MYH9: variants seen among roughly 807,000 people sequenced by gnomAD.
MYH9 encodes the protein myosin heavy chain 9, also known as myosin-9.
In MYH9, 29 loss-of-function variants were observed where a neutral mutation model predicts 241.9. That is an observed-to-expected ratio of 0.12 (90% CI 0.09 to 0.16). The LOEUF is 0.16. Among genes scored for constraint, MYH9 ranks in the 10% least tolerant of loss-of-function variants. The probability of loss-of-function intolerance (pLI) is 1.00; values close to 1 mark genes in which losing one functional copy is unlikely to be tolerated. For missense variants in MYH9, 1,803 were observed against 2,595.5 expected (o/e 0.69, Z 6.63); for synonymous variants, 1,047 against 1,062.6 (o/e 0.99, Z 0.29).
At chr22:36,317,794 G>A (rs1457539518) in intron 11 of MYH9, among the ~76,000 whole-genome samples, 2 of 152,254 alleles carry the variant, frequency 1.3e-5, no homozygotes, top group African/African-American at 4.8e-5. Flanking sequence ...CAAGGCAGCA[G>A]GTGGTAGAGA....
Position 36,306,756 on chromosome 22 carries a change from T to C in MYH9, c.1844-149A>G. 1 of 867,402 alleles carries C rather than the reference T, an allele frequency of 1.2e-6. No homozygotes were observed. The highest frequency in any genetic ancestry group is 1.8e-6 in the Non-Finnish European group (1 of 540,624). The allele number at this position is 867,402 out of a possible 1,614,324, so 53.7% of individuals were successfully genotyped here. A position where few individuals can be genotyped will look rare whatever the true frequency, so the allele number is the denominator to read the frequency against. ...GACCCTTTCCAATTGGAGCCTACAC[T>C]GGGTGCTAAGGTCATCCCCAAACAC... On this transcript the variant is annotated intron_variant, in intron 15 of 40. Transcript: ENST00000216181. This position sits in a 1 kb window ranked among gnomAD's most constrained non-coding sequence, Gnocchi z 4.1.
In MYH9 at chr22:36,295,422, G is replaced by A. The variant is rs1018800274; in HGVS notation, c.3485+83C>T. The stretch of plus-strand genomic sequence containing the variant: ...CCACGGTGTGTGTGTGTGTGTGTGT[G>A]CAGAGGCCCGGGGTCCATGTCTCCA... On this transcript the variant is annotated intron_variant, in intron 26 of 40. Coordinates refer to ENST00000216181, the MANE Select transcript of MYH9 (RefSeq NM_002473.6). The surrounding 1 kb of genome is among the most constrained non-coding windows in gnomAD (Gnocchi z 4.1). 4.6e-6 allele frequency: 5 copies of A among 1,092,402 alleles called. No individual in the cohort carries two copies. Among genetic ancestry groups the A allele is most frequent in the Middle Eastern group, 5.7e-4 (2 of 3,530 alleles). The allele number at this position is 1,092,402 out of a possible 1,614,324, so 67.7% of individuals were successfully genotyped here. A position where few individuals can be genotyped will look rare whatever the true frequency, so the allele number is the denominator to read the frequency against.
In MYH9 at chr22:36,295,457, C is replaced by G; in HGVS notation, c.3485+48G>C. The G allele has an allele frequency of 6.5e-7, 1 of 1,537,222 alleles. No homozygotes were observed. ...GGGGTCCATGTCTCCAAGCCAAGGC[C>G]CCCCTGGCTGCCCTCCCCATCCCGA... is the stretch of plus-strand genomic sequence containing the variant. On this transcript the variant is annotated intron_variant, in intron 26 of 40. Transcript: ENST00000216181. The surrounding 1 kb of genome is among the most constrained non-coding windows in gnomAD (Gnocchi z 4.1).
intron 1 of MYH9, among the ~76,000 whole-genome samples, chr22:36,369,635 C>T (rs1167536812): frequency 6.6e-6 from 1 of 152,246 alleles, no homozygotes. Flanking sequence ...CTGTAATTTA[C>T]AGCTGGTGCC....
chr22:36,348,837 A>AC (rs1569536648), intron 2 of MYH9, 67 bp downstream of exon 2: 28 of 539,374 alleles, frequency 5.2e-5, no homozygotes, highest in African/African-American at 3.6e-4. Flanking sequence ...TGATGGGAAG[A>AC]CCCGCCCCCC....
intron 31 of MYH9, among the ~76,000 whole-genome samples, chr22:36,290,676 G>A (rs1197218345): frequency 2.0e-5 from 3 of 150,120 alleles, no homozygotes; most frequent in Non-Finnish European, 3.0e-5. Flanking sequence ...GTCTCTGCCC[G>A]GCCGCCATCC....
Position 36,300,938 on chromosome 22 carries a change from GC to G in MYH9, c.2750del (p.Cys917SerfsTer4). On this transcript the variant is annotated frameshift_variant, in exon 22 of 41. Coordinates refer to ENST00000216181, the MANE Select transcript of MYH9 (RefSeq NM_002473.6). LOFTEE classifies it high-confidence loss of function. This position sits in a 1 kb window ranked among gnomAD's most constrained non-coding sequence, Gnocchi z 5.0. The part of the protein sequence containing the change: ...TAKKQELEEI[C>X]HDLEARVEEE... ...CCTCCACCCTGGCCTCTAGGTCATG[GC>G]AGATCTCTTCTAATTCCTGCTTCTT... 1 of 1,610,306 alleles carries G rather than the reference GC, an allele frequency of 6.2e-7. No homozygotes were observed. The highest frequency in any genetic ancestry group is 8.5e-7 in the Non-Finnish European group (1 of 1,180,020).
At chr22:36,364,199 T>C (rs1346447595) in intron 1 of MYH9, among the ~76,000 whole-genome samples, 1 of 152,096 alleles carries the variant, frequency 6.6e-6, no homozygotes, top group Non-Finnish European at 1.5e-5. Flanking sequence ...ATCCTCTGAG[T>C]GATTATTTAA....
chr22:36,309,881 T>G lies in MYH9; in HGVS notation c.1729-485A>C, dbSNP rs977513580. On this transcript the variant is annotated intron_variant, in intron 14 of 40. Transcript: ENST00000216181. Reference sequence around the variant, plus strand: ...AATATATTCTGTTTTTAAATATATTTTTTTAATTGGGCAGCCTCCTAAACT... The same window carrying G: ...AATATATTCTGTTTTTAAATATATTGTTTTAATTGGGCAGCCTCCTAAACT... Among the ~76,000 whole-genome samples the G allele has an allele frequency of 2.6e-5, 4 of 152,236 alleles. No individual in the cohort carries two copies. The East Asian group carries it at 7.7e-4, about 29-fold the overall frequency.
In MYH9 at chr22:36,282,234, C is replaced by T. The variant is rs1293523960; in HGVS notation, c.*434G>A. ...GCAAAGAAAGGAGGAGGAGTGGGGGCGCTGGTGGCAGACGTCAGGGAGGCT... is the reference window on the plus strand; with the variant it reads ...GCAAAGAAAGGAGGAGGAGTGGGGGTGCTGGTGGCAGACGTCAGGGAGGCT... On this transcript the variant is annotated 3_prime_UTR_variant, in exon 41 of 41. Transcript: ENST00000216181. 12 of 360,692 alleles carry T rather than the reference C, an allele frequency of 3.3e-5. No individual in the cohort carries two copies. The highest frequency in any genetic ancestry group is 5.2e-5 in the Non-Finnish European group (10 of 192,900). The allele number at this position is 360,692 out of a possible 1,614,324, so 22.3% of individuals were successfully genotyped here.
chr22:36,284,039 C>G (rs1485854703), intron 40 of MYH9, 54 bp downstream of exon 40: 1 of 1,590,278 alleles, frequency 6.3e-7, no homozygotes, highest in Non-Finnish European at 8.6e-7. Context: ...GAGGAACAAG[C>G]TACCTTTTGA....
chr22:36,347,373 T>G (rs1372233064), intron 2 of MYH9, among the ~76,000 whole-genome samples: 1 of 151,850 alleles, frequency 6.6e-6, no homozygotes, highest in Non-Finnish European at 1.5e-5. Context: ...AGTCTTACTC[T>G]TGGTGGCTCA....
intron 14 of MYH9, 146 bp downstream of exon 14, chr22:36,311,903 C>A: frequency 3.3e-6 from 3 of 905,278 alleles, no homozygotes; most frequent in Non-Finnish European, 5.3e-6. Context: ...TCACCGGCCA[C>A]ATTACTGGGT....
At position 36,316,681 on chromosome 22, in the gene MYH9, A is replaced by G; in HGVS notation, c.1228-12T>C. On this transcript the variant is annotated splice_polypyrimidine_tract_variant and intron_variant, in intron 11 of 40. Coordinates refer to ENST00000216181, the MANE Select transcript of MYH9 (RefSeq NM_002473.6). ...ATGGCAAAGTCAGCCTGCGGGGCAC[A>G]CCCGGGGAGCGTGGTGTCAGATACA... 1.2e-6 allele frequency: 2 copies of G among 1,613,476 alleles called. No homozygotes were observed. Among genetic ancestry groups the G allele is most frequent in the Non-Finnish European group, 1.7e-6 (2 of 1,180,020 alleles).
At chr22:36,289,003 C>T (rs912842101) in intron 32 of MYH9, 64 bp from the exon 33 acceptor site, 35 of 1,612,472 alleles carry the variant, frequency 2.2e-5, no homozygotes, top group South Asian at 1.9e-4. Flanking sequence ...CTGCGCGACC[C>T]GGAGTCTGTG....
Position 36,293,606 on chromosome 22 carries a change from T to G in MYH9, c.3943-125A>C. On this transcript the variant is annotated intron_variant, in intron 29 of 40. Transcript: ENST00000216181. This position sits in a 1 kb window ranked among gnomAD's most constrained non-coding sequence, Gnocchi z 5.1. ...TTTAGGGGATGGCCACGTAAAGACC[T>G]GGAGGGAGCTGGGAGGACGCAGAGA... 2.8e-6 allele frequency: 4 copies of G among 1,433,866 alleles called. No homozygotes were observed. The highest frequency in any genetic ancestry group is 3.9e-6 in the Non-Finnish European group (4 of 1,030,988). The allele number at this position is 1,433,866 out of a possible 1,614,324, so 88.8% of individuals were successfully genotyped here.
rs2016632964 is a variant in MYH9 at position 36,288,738 on chromosome 22, G to A, written c.4759C>T (p.Leu1587=). The A allele has an allele frequency of 6.2e-7, 1 of 1,603,860 alleles. No individual in the cohort carries two copies. Among genetic ancestry groups the A allele is most frequent in the African/African-American group, 1.3e-5 (1 of 74,912 alleles). ...GAGGCCATGCACACCTGTCTGACCA[G>A]CTGCTTCTTCTTCTCCTCGCTCTGC... is the stretch of plus-strand genomic sequence containing the variant. ...DEQSEEKKKQ[L]VRQVREMEAE... Residue 1587 remains leucine (L), a synonymous_variant, in exon 33 of 41, where the codon CTG becomes TTG. Coordinates refer to ENST00000216181, the MANE Select transcript of MYH9 (RefSeq NM_002473.6). This position sits in a 1 kb window ranked among gnomAD's most constrained non-coding sequence, Gnocchi z 4.8.
rs150029980 is a variant in MYH9, at chr22:36,288,353, C to T, written c.4831G>A (p.Ala1611Thr). 108 of 1,613,930 alleles carry T rather than the reference C, an allele frequency of 6.7e-5. No homozygotes were observed. The African/African-American group carries it at 9.3e-4, about 14-fold the overall frequency. ...AGGTCCATCTCCAGCTTCTTCCGGG[C>T]GGCCACTGCCATCGAGCGCTGCTTC... ...ERKQRSMAVAARKKLEMDLKD... is the reference protein window; with the variant it reads ...ERKQRSMAVATRKKLEMDLKD... The change falls in exon 34 of 41, where the codon GCC (alanine) becomes ACC (threonine). Residue 1611 changes from alanine to threonine, a missense_variant. By Grantham distance (58) the Ala-to-Thr change is moderately conservative. Coordinates refer to ENST00000216181, the MANE Select transcript of MYH9 (RefSeq NM_002473.6). The surrounding 1 kb of genome is among the most constrained non-coding windows in gnomAD (Gnocchi z 4.8).
intron 1 of MYH9, among the ~76,000 whole-genome samples, chr22:36,381,466 G>T (rs1029391292): frequency 7.3e-5 from 11 of 150,552 alleles, no homozygotes; most frequent in African/African-American, 2.7e-4. Context: ...GCAGTGAGCC[G>T]AGATCGATCA....
Sources: gnomAD v4.1 joint callset for allele counts (sites outside exome capture counted in the v4.1 genomes callset) on GRCh38, gnomAD v4.1.1 for gene constraint, Gnocchi (gnomAD v3.1) non-coding constraint, MANE v1.5 for transcripts, NCBI Gene and HGNC (gene_info 2026-07-23, HGNC 2026-07-21) for gene names.